The following PLAC9 variants were observed in gnomAD, a reference collection of about 807,000 sequenced individuals.
The protein encoded by PLAC9 is placenta associated 9.
A neutral mutation model predicts 11.5 loss-of-function variants in PLAC9; 12 were observed. That is an observed-to-expected ratio of 1.05 (90% confidence interval 0.67 to 1.69). PLAC9 has a LOEUF of 1.69. Among genes scored for constraint, PLAC9 ranks in the 40% most tolerant of loss-of-function variants. PLAC9 has a pLI of 0.00. For missense variants in PLAC9, 132 were observed against 130.5 expected (o/e 1.01, Z -0.06); for synonymous variants, 62 against 58.1 (o/e 1.07, Z -0.31).
intron 3 of PLAC9, 149 bp from the exon 4 acceptor site, chr10:80,144,751 T>C (rs1206479857): frequency 8.8e-6 from 7 of 795,404 alleles, no homozygotes; most frequent in African/African-American, 1.7e-5. Context: ...AGGGTTGGGG[T>C]TGCACTCTGC....
intron 2 of PLAC9, 138 bp from the exon 3 acceptor site, chr10:80,144,085 G>A: frequency 8.1e-7 from 1 of 1,237,476 alleles, no homozygotes; most frequent in Non-Finnish European, 1.2e-6. Context: ...GCCTGAGTGA[G>A]GAAAACCCAG....
intron 1 of PLAC9, 22 bp downstream of exon 1, chr10:80,132,848 G>T (rs1482556224): frequency 6.7e-7 from 1 of 1,482,560 alleles, no homozygotes; most frequent in Non-Finnish European, 8.9e-7. Context: ...GCAGGGCGCG[G>T]CAGGGGACCT....
rs368592095 is a variant in PLAC9, at chr10:80,144,415, C to T, written c.283+72C>T. On this transcript the variant is annotated intron_variant, in intron 3 of 3. Transcript: ENST00000372263. Reference sequence around the variant, plus strand: ...TGGCGCTGGGCAGGCGAGACAGGGACGGCTGCTCCACTGCACAGGTGTAGC... The same window carrying T: ...TGGCGCTGGGCAGGCGAGACAGGGATGGCTGCTCCACTGCACAGGTGTAGC... The T allele has an allele frequency of 2.1e-5, 32 of 1,493,620 alleles. No individual in the cohort carries two copies. The African/African-American group carries it at 3.2e-4, about 15-fold the overall frequency. The allele number at this position is 1,493,620 out of a possible 1,614,324, so 92.5% of individuals were successfully genotyped here. A position where few individuals can be genotyped will look rare whatever the true frequency, so the allele number is the denominator to read the frequency against.
rs771646674 is a variant in PLAC9, at chr10:80,142,185, AG to A, written c.162+9del. ...GTCTAGATGTCATGGAGGAGGTAAC[AG>A]GGTGGTTTGGAAGGACATGCGAGTT... is the stretch of plus-strand genomic sequence containing the variant. On this transcript the variant is annotated splice_region_variant and intron_variant, in intron 2 of 3. Transcript: ENST00000372263. 6.2e-6 allele frequency: 10 copies of A among 1,600,424 alleles called. No homozygotes were observed. Among genetic ancestry groups the A allele is most frequent in the Middle Eastern group, 1.7e-4 (1 of 6,032 alleles).
rs571298251 is a variant in PLAC9, at chr10:80,136,093, C to T, written c.64+3267C>T. On this transcript the variant is annotated intron_variant, in intron 1 of 3. Coordinates refer to ENST00000372263, the MANE Select transcript of PLAC9 (RefSeq NM_001012973.3). ...CTGTAAGTAGAAGCACCCGTACTTC[C>T]GCCTCAGAGGATGGGACCCAGGGGC... Among the ~76,000 whole-genome samples, 53 of 152,300 alleles carry T rather than the reference C, an allele frequency of 3.5e-4. No individual in the cohort carries two copies. In the East Asian group the frequency reaches 8.9e-3, roughly 26 times the overall value.
rs746434970 is a variant in PLAC9 at position 80,142,195 on chromosome 10, G to A, written c.162+16G>A. 6.3e-7 allele frequency: 1 copy of A among 1,590,228 alleles called. No homozygotes were observed. Among genetic ancestry groups the A allele is most frequent in the South Asian group, 1.1e-5 (1 of 89,782 alleles). On this transcript the variant is annotated intron_variant, in intron 2 of 3. Coordinates refer to ENST00000372263, the MANE Select transcript of PLAC9 (RefSeq NM_001012973.3). The stretch of plus-strand genomic sequence containing the variant: ...CATGGAGGAGGTAACAGGGTGGTTT[G>A]GAAGGACATGCGAGTTCAGGACCAC...
chr10:80,136,609 C>A (rs567056859), intron 1 of PLAC9, among the ~76,000 whole-genome samples: 106 of 152,174 alleles, frequency 7.0e-4, no homozygotes, highest in African/African-American at 2.5e-3. Flanking sequence ...ATACCTGAGA[C>A]TACAAGTATA....
intron 2 of PLAC9, among the ~76,000 whole-genome samples, chr10:80,142,394 G>A (rs948466280): frequency 6.6e-6 from 1 of 152,004 alleles, no homozygotes; most frequent in Non-Finnish European, 1.5e-5. Flanking sequence ...ACCCCCACCC[G>A]GATATTTCAA....
chr10:80,143,022 C>G (rs1845058599), intron 2 of PLAC9, among the ~76,000 whole-genome samples: 1 of 151,468 alleles, frequency 6.6e-6, no homozygotes, highest in African/African-American at 2.4e-5. Flanking sequence ...TGTGCCCGGC[C>G]AATACATATA....
chr10:80,145,116 C>T lies in PLAC9; in HGVS notation c.*206C>T, dbSNP rs1277781935. ...ATGCCTGGAGGAAGCCTGCAACCCC[C>T]TCCAGGCTCAGACCTGGGGACACCC... On this transcript the variant is annotated 3_prime_UTR_variant, in exon 4 of 4. Transcript: ENST00000372263. 1 of 724,646 alleles carries T rather than the reference C, an allele frequency of 1.4e-6. No individual in the cohort carries two copies. The highest frequency in any genetic ancestry group is 2.4e-6 in the Non-Finnish European group (1 of 412,552). 44.9% of individuals were successfully genotyped at this position (724,646 alleles called of 1,614,324 possible).
chr10:80,141,147 CCTCA>C (rs1480926857), intron 1 of PLAC9, among the ~76,000 whole-genome samples: 1 of 152,192 alleles, frequency 6.6e-6, no homozygotes, highest in Non-Finnish European at 1.5e-5. Flanking sequence ...TCATTTTCTT[CCTCA>C]CTATTCCTAC....
At chr10:80,144,416 G>A (rs1285980215) in intron 3 of PLAC9, 73 bp downstream of exon 3, 4 of 1,493,094 alleles carry the variant, frequency 2.7e-6, no homozygotes, top group Non-Finnish European at 3.6e-6. Context: ...AGACAGGGAC[G>A]GCTGCTCCAC....
At chr10:80,144,474 G>A (rs1845077912) in intron 3 of PLAC9, 131 bp downstream of exon 3, 2 of 1,285,962 alleles carry the variant, frequency 1.6e-6, no homozygotes, top group African/African-American at 1.5e-5. Context: ...CGCTCCCTGG[G>A]GACGGAAGCG....
In PLAC9 at chr10:80,144,235, A is replaced by G. The variant is rs956858452; in HGVS notation, c.175A>G (p.Thr59Ala). Reference protein sequence around the residue: ...LDVMEEMVEKTVDHLGTEVKG... With the variant: ...LDVMEEMVEKAVDHLGTEVKG... ...CTTCCCACTCTAGATGGTAGAGAAG[A>G]CCGTGGATCACCTGGGGACAGAGGT... is the stretch of plus-strand genomic sequence containing the variant. The change falls in exon 3 of 4, where the codon ACC becomes GCC. Residue 59 changes from threonine to alanine, a missense_variant. By Grantham distance (58) the Thr-to-Ala change is moderately conservative (BLOSUM62 0). Transcript: ENST00000372263. 6 of 1,613,970 alleles carry G rather than the reference A, an allele frequency of 3.7e-6. No homozygotes were observed. The highest frequency in any genetic ancestry group is 5.1e-6 in the Non-Finnish European group (6 of 1,180,032).
chr10:80,132,990 ACAGACT>A (rs911577532), intron 1 of PLAC9, among the ~76,000 whole-genome samples, 164 bp downstream of exon 1: 5 of 152,210 alleles, frequency 3.3e-5, no homozygotes, highest in Non-Finnish European at 5.9e-5. Flanking sequence ...TTGAGAGGAA[ACAGACT>A]CAGAAAAAGG....
At position 80,145,133 on chromosome 10, in the gene PLAC9, G is replaced by A; in HGVS notation, c.*223G>A. Reference sequence around the variant, plus strand: ...GCAACCCCCTCCAGGCTCAGACCTGGGGACACCCCCACTCCTGTCATTTAT... The same window carrying A: ...GCAACCCCCTCCAGGCTCAGACCTGAGGACACCCCCACTCCTGTCATTTAT... On this transcript the variant is annotated 3_prime_UTR_variant, in exon 4 of 4. Transcript: ENST00000372263. 1.5e-6 allele frequency: 1 copy of A among 686,590 alleles called. No individual in the cohort carries two copies. The highest frequency in any genetic ancestry group is 2.6e-6 in the Non-Finnish European group (1 of 384,254). 42.5% of individuals were successfully genotyped at this position (686,590 alleles called of 1,614,324 possible).
At position 80,141,968 on chromosome 10, in the gene PLAC9, C is replaced by T. The variant is rs910051681; in HGVS notation, c.65-114C>T. On this transcript the variant is annotated intron_variant, in intron 1 of 3. Coordinates refer to ENST00000372263, the MANE Select transcript of PLAC9 (RefSeq NM_001012973.3). ...TGACCCCCACCTGGGCCGTCCTCCG[C>T]TTGCTCCTGAGTTTGCTTTGAGGAC... 18 of 691,026 alleles carry T rather than the reference C, an allele frequency of 2.6e-5. No homozygotes were observed. The African/African-American group carries it at 3.3e-4, about 13-fold the overall frequency. 42.8% of individuals were successfully genotyped at this position (691,026 alleles called of 1,614,324 possible). A position where few individuals can be genotyped will look rare whatever the true frequency, so the allele number is the denominator to read the frequency against.
chr10:80,134,266 T>TTTC (rs1491501336), intron 1 of PLAC9, among the ~76,000 whole-genome samples: 2 of 87,530 alleles, frequency 2.3e-5, no homozygotes, highest in African/African-American at 9.2e-5. Context: ...TCTTTCTTTC[T>TTTC]TTTTTTTTTT....
intron 1 of PLAC9, among the ~76,000 whole-genome samples, chr10:80,140,295 G>A (rs746046688): frequency 1.4e-4 from 22 of 151,788 alleles, no homozygotes; most frequent in Non-Finnish European, 2.5e-4. Flanking sequence ...GCCAAGCTTC[G>A]TGAAATTTTC....
Sources: allele counts gnomAD v4.1 joint callset (sites outside exome capture counted in the v4.1 genomes callset), GRCh38; gene constraint gnomAD v4.1.1; transcripts MANE v1.5; gene names NCBI Gene and HGNC (gene_info 2026-07-23, HGNC 2026-07-21).